The following GLRB variants were observed in gnomAD, a reference collection of about 807,000 sequenced individuals.
GLRB encodes glycine receptor subunit beta.
Under a neutral mutation model 54.2 loss-of-function variants are expected in GLRB, and 33 were observed. That is an observed-to-expected ratio of 0.61 (90% CI 0.46 to 0.81). The LOEUF (loss-of-function observed/expected upper bound fraction) is 0.81. Among genes scored for constraint, GLRB ranks in the 40% least tolerant of loss-of-function variants. The pLI is 0.00. For synonymous variants in GLRB, 209 were observed against 208.2 expected (o/e 1.00, Z -0.03); for missense variants, 572 against 584.6 (o/e 0.98, Z 0.22).
chr4:157,115,710 A>C (rs1362421416), intron 2 of GLRB, among the ~76,000 whole-genome samples: 3 of 151,708 alleles, frequency 2.0e-5, no homozygotes, highest in Non-Finnish European at 2.9e-5. Context: ...TTTTTATCAG[A>C]TTTTCAGAGA....
intron 2 of GLRB, among the ~76,000 whole-genome samples, chr4:157,085,948 A>G (rs1734395489): frequency 6.6e-6 from 1 of 151,998 alleles, no homozygotes; most frequent in Non-Finnish European, 1.5e-5. Context: ...CTCTTATATT[A>G]TGTGTGTAGG....
chr4:157,129,860 A>T (rs1414452977), intron 4 of GLRB, among the ~76,000 whole-genome samples: 1 of 151,648 alleles, frequency 6.6e-6, no homozygotes, highest in Non-Finnish European at 1.5e-5. Context: ...TTTGAGATCT[A>T]GAGGTGAATG....
intron 9 of GLRB, among the ~76,000 whole-genome samples, chr4:157,170,024 A>G (rs943280266): frequency 2.6e-5 from 4 of 152,168 alleles, no homozygotes; most frequent in African/African-American, 9.7e-5. Context: ...AAGGAAGTCA[A>G]AGGCTAGTAA....
intron 8 of GLRB, 22 bp from the exon 9 acceptor site, chr4:157,152,696 A>G (rs747442351): frequency 1.9e-6 from 3 of 1,607,102 alleles, no homozygotes; most frequent in Admixed American, 1.7e-5. Context: ...AGCAACTTTC[A>G]TTCCTCTTTC....
rs77677624 is a variant in GLRB, at chr4:157,131,561, A to G, written c.298-4908A>G. 3.9e-3 allele frequency among the ~76,000 whole-genome samples: 592 copies of G among 151,864 alleles called. 21 individuals are homozygous for G. The East Asian group carries it at 0.1, about 26-fold the overall frequency. On this transcript the variant is annotated intron_variant, in intron 4 of 9. Transcript: ENST00000264428. ...ACAGAAGGGTTTCACTGCCCTAAAA[A>G]TCATCTGTGCTTTGCCTCTTTATCC...
chr4:157,158,969 A>C (rs1737352289), intron 9 of GLRB, among the ~76,000 whole-genome samples: 1 of 152,128 alleles, frequency 6.6e-6, no homozygotes, highest in Non-Finnish European at 1.5e-5. Flanking sequence ...ATGAGCATGG[A>C]ATGTTCTTCC....
chr4:157,102,678 A>G (rs1056788934), intron 2 of GLRB, among the ~76,000 whole-genome samples: 4 of 152,182 alleles, frequency 2.6e-5, no homozygotes, highest in African/African-American at 9.6e-5. Flanking sequence ...AGTACTTTTG[A>G]TGGAGGGAAA....
At position 157,143,886 on chromosome 4, in the gene GLRB, T is replaced by C. The variant is rs12507409; in HGVS notation, c.831T>C (p.Thr277=). The C allele has an allele frequency of 1, 1,607,907 of 1,613,964 alleles. 801,120 individuals carry two copies. Among genetic ancestry groups the C allele is most frequent in the East Asian group, 1 (44,858 of 44,858 alleles). Residue 277 remains threonine (T), a synonymous_variant, in exon 8 of 10, where the codon ACT becomes ACC. Transcript: ENST00000264428. The part of the protein sequence containing the change: ...GFYMMGVYAP[T]LLIVVLSWLS... ...ACATGATGGGGGTCTACGCCCCAAC[T>C]CTGCTCATTGTTGTTCTCTCCTGGC...
At chr4:157,141,704 G>A (rs1164311920) in intron 7 of GLRB, among the ~76,000 whole-genome samples, 1 of 151,758 alleles carries the variant, frequency 6.6e-6, no homozygotes, top group Non-Finnish European at 1.5e-5. Context: ...ACTAGGAAAA[G>A]ATCAAAAAAA....
intron 9 of GLRB, among the ~76,000 whole-genome samples, chr4:157,163,491 C>A (rs943190233): frequency 4.6e-5 from 7 of 152,134 alleles, no homozygotes; most frequent in African/African-American, 1.7e-4. Flanking sequence ...AGCCTTGGCC[C>A]CCTCACCTCT....
At chr4:157,100,006 C>T (rs1476277554) in intron 2 of GLRB, among the ~76,000 whole-genome samples, 1 of 152,146 alleles carries the variant, frequency 6.6e-6, no homozygotes, top group South Asian at 2.1e-4. Context: ...TTCTTATTAA[C>T]ATGTAGGCGT....
intron 2 of GLRB, among the ~76,000 whole-genome samples, chr4:157,100,258 G>A (rs1734967225): frequency 6.6e-6 from 1 of 152,006 alleles, no homozygotes; most frequent in African/African-American, 2.4e-5. Context: ...TTCACATTTA[G>A]ATCTGTAATC....
At chr4:157,123,511 G>T (rs1735907323) in intron 4 of GLRB, among the ~76,000 whole-genome samples, 1 of 151,656 alleles carries the variant, frequency 6.6e-6, no homozygotes, top group South Asian at 2.1e-4. Flanking sequence ...ATATTTTAGA[G>T]AATTACTTAA....
Position 157,143,809 on chromosome 4 carries a change from T to G in GLRB, c.754T>G (p.Tyr252Asp). The G allele has an allele frequency of 6.2e-7, 1 of 1,612,928 alleles. No individual in the cohort carries two copies. The highest frequency in any genetic ancestry group is 1.3e-5 in the African/African-American group (1 of 75,004). ...NCTKYYKGTGYYTCVEVIFTL... is the reference protein window; with the variant it reads ...NCTKYYKGTGDYTCVEVIFTL... ...TTGAATGTGTTTGCTTCTGAAAGGC[T>G]ACTACACATGCGTGGAAGTCATCTT... The change falls in exon 8 of 10, where the codon TAC becomes GAC. Residue 252 changes from tyrosine (Y) to aspartate (D), a missense_variant and splice_region_variant. Transcript: ENST00000264428.
intron 2 of GLRB, among the ~76,000 whole-genome samples, chr4:157,096,363 G>A (rs1373618173): frequency 6.6e-6 from 1 of 152,172 alleles, no homozygotes; most frequent in African/African-American, 2.4e-5. Flanking sequence ...AATGTTATGA[G>A]ATTTGCTGGA....
At chr4:157,121,945 T>C (rs1315164176) in intron 3 of GLRB, among the ~76,000 whole-genome samples, 1 of 151,378 alleles carries the variant, frequency 6.6e-6, no homozygotes, top group Non-Finnish European at 1.5e-5. Context: ...ATTAGAAAAA[T>C]GCAAAAAAAT....
intron 2 of GLRB, 22 bp downstream of exon 2, chr4:157,078,168 T>G: frequency 6.2e-7 from 1 of 1,610,758 alleles, no homozygotes; most frequent in South Asian, 1.1e-5. Context: ...ATGTCTTATA[T>G]TCTTATATGG....
intron 2 of GLRB, among the ~76,000 whole-genome samples, chr4:157,115,273 G>A (rs1422390295): frequency 4.2e-5 from 4 of 95,582 alleles, no homozygotes; most frequent in African/African-American, 1.6e-4. Context: ...TTTTTTTCCT[G>A]AACACTTCTT....
chr4:157,106,848 A>G (rs1425109704), intron 2 of GLRB, among the ~76,000 whole-genome samples: 1 of 152,076 alleles, frequency 6.6e-6, no homozygotes, highest in East Asian at 1.9e-4. Context: ...GAGTCAGCCA[A>G]TACCACTATT....
Sources: gnomAD v4.1 joint callset for allele counts (sites outside exome capture counted in the v4.1 genomes callset) on GRCh38, gnomAD v4.1.1 for gene constraint, MANE v1.5 for transcripts, NCBI Gene and HGNC (gene_info 2026-07-23, HGNC 2026-07-21) for gene names.